Variants in PLXNA4 observed in about 807,000 individuals in gnomAD.
PLXNA4 encodes plexin-A4.
Under a neutral mutation model 191.8 loss-of-function variants are expected in PLXNA4, and 44 were observed. That is an observed-to-expected ratio of 0.23 (90% CI 0.18 to 0.29). PLXNA4 has a LOEUF of 0.29. Ranked by LOEUF, PLXNA4 falls within the 10% of genes least tolerant of loss-of-function variation. PLXNA4 has a pLI of 1.00. For synonymous variants in PLXNA4, 1,082 were observed against 1,009.5 expected (o/e 1.07, Z -1.36); for missense variants, 1,800 against 2,488.8 (o/e 0.72, Z 5.89).
At chr7:132,414,710 A>G (rs1035827465) in intron 3 of PLXNA4, among the ~76,000 whole-genome samples, 1 of 152,202 alleles carries the variant, frequency 6.6e-6, no homozygotes, top group African/African-American at 2.4e-5. Context: ...GGATTCCTAT[A>G]GCCCAACAGG....
intron 2 of PLXNA4, among the ~76,000 whole-genome samples, chr7:132,634,471 CACACACACACACT>C (rs1803555437): frequency 6.6e-6 from 1 of 151,908 alleles, no homozygotes; most frequent in African/African-American, 2.4e-5. Flanking sequence ...AGCACACACA[CACACACACACACT>C]ACACACACAC....
At chr7:132,387,024 G>C (rs1210046725) in intron 3 of PLXNA4, among the ~76,000 whole-genome samples, 1 of 152,228 alleles carries the variant, frequency 6.6e-6, no homozygotes, top group East Asian at 1.9e-4. Context: ...AGTATGTGCT[G>C]GGATGTTGCA....
intron 2 of PLXNA4, among the ~76,000 whole-genome samples, chr7:132,607,647 C>A (rs1802952302): frequency 6.6e-6 from 1 of 152,198 alleles, no homozygotes; most frequent in South Asian, 2.1e-4. Flanking sequence ...CTTTTTGCAG[C>A]CTAGAAGTGC....
chr7:132,561,906 T>A (rs1801141659), intron 1 of PLXNA4, among the ~76,000 whole-genome samples: 1 of 142,286 alleles, frequency 7.0e-6, no homozygotes, highest in South Asian at 2.4e-4. Flanking sequence ...CTTCTCCTTC[T>A]CCTCCTTATC....
chr7:132,250,179 T>C (rs1423591570), intron 4 of PLXNA4, among the ~76,000 whole-genome samples: 2 of 152,118 alleles, frequency 1.3e-5, no homozygotes, highest in Non-Finnish European at 2.9e-5. Context: ...TGAAGAATAA[T>C]TGGGATGACA....
Position 132,269,808 on chromosome 7 carries a change from C to A in PLXNA4, c.1503+28283G>T, listed in dbSNP as rs144925759. ...TGCCAGGTTTGGATGAACAGGAACA[C>A]GCTGCTGGGATGTCTGATATTGCTA... On this transcript the variant is annotated intron_variant, in intron 4 of 31. Coordinates refer to ENST00000321063, the MANE Select transcript of PLXNA4 (RefSeq NM_020911.2). Among the ~76,000 whole-genome samples, 651 of 152,138 alleles carry A rather than the reference C, an allele frequency of 4.3e-3. 5 individuals are homozygous for A. The highest frequency in any genetic ancestry group is 0.015 in the African/African-American group (625 of 41,494).
chr7:132,309,511 T>C (rs747880514), intron 3 of PLXNA4, among the ~76,000 whole-genome samples: 2 of 151,988 alleles, frequency 1.3e-5, no homozygotes, highest in Non-Finnish European at 2.9e-5. Flanking sequence ...CCCCCACACA[T>C]GGGGAGGCTA....
intron 3 of PLXNA4, among the ~76,000 whole-genome samples, chr7:132,486,671 A>C (rs1428434703): frequency 6.6e-6 from 1 of 152,174 alleles, no homozygotes; most frequent in African/African-American, 2.4e-5. Context: ...CACCAGCCCC[A>C]CCACTGCTCT....
intron 4 of PLXNA4, among the ~76,000 whole-genome samples, chr7:132,275,913 CT>C (rs753878905): frequency 6.6e-6 from 1 of 152,214 alleles, no homozygotes; most frequent in Non-Finnish European, 1.5e-5. Flanking sequence ...TTTTCCATTG[CT>C]GTTCCCTCTG....
chr7:132,623,370 A>G, intron 2 of PLXNA4, among the ~76,000 whole-genome samples: 1 of 152,078 alleles, frequency 6.6e-6, no homozygotes, highest in Non-Finnish European at 1.5e-5. Context: ...AAATAAAGAA[A>G]GAAAAAGAAA....
At chr7:132,490,206 A>G (rs1797737211) in intron 2 of PLXNA4, among the ~76,000 whole-genome samples, 2 of 152,148 alleles carry the variant, frequency 1.3e-5, no homozygotes, top group South Asian at 4.1e-4. Flanking sequence ...TGCCTACACC[A>G]GCACTTCCCA....
At chr7:132,641,785 T>G (rs1803747831) in intron 2 of PLXNA4, among the ~76,000 whole-genome samples, 1 of 152,124 alleles carries the variant, frequency 6.6e-6, no homozygotes, top group Non-Finnish European at 1.5e-5. Flanking sequence ...ACCCCAGATA[T>G]GCAATGTCAA....
chr7:132,332,399 T>C (rs12707034), intron 3 of PLXNA4, among the ~76,000 whole-genome samples: 76,156 of 152,022 alleles, frequency 0.5, 21,132 homozygotes, highest in African/African-American at 0.75. Flanking sequence ...AACATCTCTA[T>C]CAGGTCTTGT....
intron 2 of PLXNA4, among the ~76,000 whole-genome samples, chr7:132,600,996 A>G (rs1802807367): frequency 6.6e-6 from 1 of 152,096 alleles, no homozygotes; most frequent in Non-Finnish European, 1.5e-5. Flanking sequence ...GTTTAATCCC[A>G]TACTTCTGTT....
intron 21 of PLXNA4, 64 bp downstream of exon 21, chr7:132,174,714 C>T: frequency 6.3e-7 from 1 of 1,583,238 alleles, no homozygotes; most frequent in Non-Finnish European, 8.6e-7. Flanking sequence ...AAAGAAGGGG[C>T]TGGACTTGAA....
At chr7:132,310,850 G>T (rs1320758562) in intron 3 of PLXNA4, among the ~76,000 whole-genome samples, 2 of 152,206 alleles carry the variant, frequency 1.3e-5, no homozygotes, top group African/African-American at 4.8e-5. Context: ...ACAGCTGTGT[G>T]TGTGTGAGAG....
chr7:132,219,393 C>T (rs967844583), intron 9 of PLXNA4, among the ~76,000 whole-genome samples: 3 of 152,194 alleles, frequency 2.0e-5, no homozygotes, highest in African/African-American at 7.2e-5. Flanking sequence ...CTGCTTTCTA[C>T]TTACAATGAC....
At chr7:132,307,072 A>T (rs1334051493) in intron 3 of PLXNA4, among the ~76,000 whole-genome samples, 1 of 152,012 alleles carries the variant, frequency 6.6e-6, no homozygotes, top group Non-Finnish European at 1.5e-5. Flanking sequence ...CTCAGTTCCC[A>T]TCAGACTCTG....
intron 4 of PLXNA4, among the ~76,000 whole-genome samples, chr7:132,253,631 C>A (rs73157224): frequency 0.03 from 4,585 of 152,268 alleles, 71 homozygotes; most frequent in Middle Eastern, 0.054. Context: ...TCTTGGTTCA[C>A]CTTCTGACCA....
Sources: gnomAD v4.1 joint callset for allele counts (sites outside exome capture counted in the v4.1 genomes callset) on GRCh38, gnomAD v4.1.1 for gene constraint, MANE v1.5 for transcripts, NCBI Gene and HGNC (gene_info 2026-07-23, HGNC 2026-07-21) for gene names.